STAM: variants seen among roughly 807,000 people sequenced by gnomAD.
The protein encoded by STAM is signal transducing adaptor molecule, also known as signal transducing adapter molecule 1.
Under a neutral mutation model 63.4 loss-of-function variants are expected in STAM, and 16 were observed. That is an observed-to-expected ratio of 0.25 (90% CI 0.17 to 0.38). The LOEUF is 0.38. STAM is among the 10% of genes least tolerant of loss of function. The probability of loss-of-function intolerance (pLI) is 1.00; values close to 1 mark genes in which losing one functional copy is unlikely to be tolerated. For missense variants in STAM, 636 were observed against 657.1 expected, an observed-to-expected ratio of 0.97 and a Z score of 0.35; for synonymous variants, 238 against 223.9, an observed-to-expected ratio of 1.06 and a Z score of -0.56.
At chr10:17,644,522 T>C (rs1469835338) in intron 1 of STAM, 143 bp downstream of exon 1, 21 of 991,742 alleles carry the variant, frequency 2.1e-5, no homozygotes, top group Non-Finnish European at 2.8e-5. Flanking sequence ...CCTTCAGAGC[T>C]GGGAGGAGGT....
At chr10:17,667,370 C>T (rs556470300) in intron 2 of STAM, among the ~76,000 whole-genome samples, 1 of 152,180 alleles carries the variant, frequency 6.6e-6, no homozygotes, top group Non-Finnish European at 1.5e-5. Flanking sequence ...GATCTGCCCT[C>T]CTCAGCCTCC....
At chr10:17,655,407 A>G (rs1554822020) in intron 1 of STAM, among the ~76,000 whole-genome samples, 2 of 152,158 alleles carry the variant, frequency 1.3e-5, no homozygotes, top group African/African-American at 4.8e-5. Context: ...ATTTTAGGGT[A>G]GCTAGGTAGG....
At position 17,670,853 on chromosome 10, in the gene STAM, T is replaced by G. The variant is rs149602063; in HGVS notation, c.125+10305T>G. ...TATTTGTACTCTATATTTTGCTCCT[T>G]TTATATGTTGTGTGGATTATGTTTT... On this transcript the variant is annotated intron_variant, in intron 2 of 13. Coordinates refer to ENST00000377524, the MANE Select transcript of STAM (RefSeq NM_003473.4). Among the ~76,000 whole-genome samples, 89 of 152,190 alleles carry G rather than the reference T, an allele frequency of 5.8e-4. No homozygotes were observed. The East Asian group carries it at 0.017, about 28-fold the overall frequency.
At chr10:17,660,590 T>C in intron 2 of STAM, 42 bp downstream of exon 2, 1 of 1,517,484 alleles carries the variant, frequency 6.6e-7, no homozygotes, top group Admixed American at 2.0e-5. Flanking sequence ...TCTTTCTTTT[T>C]AAAAAACACG....
At chr10:17,687,183 T>C (rs1166147196) in intron 4 of STAM, among the ~76,000 whole-genome samples, 2 of 152,106 alleles carry the variant, frequency 1.3e-5, no homozygotes, top group Admixed American at 6.6e-5. Flanking sequence ...TAAAGAGTTA[T>C]GTTATTTTGG....
chr10:17,680,355 C>T (rs186452247), intron 2 of STAM, among the ~76,000 whole-genome samples: 83 of 152,046 alleles, frequency 5.5e-4, no homozygotes, highest in East Asian at 3.3e-3. Context: ...ACTCCCCATT[C>T]GCTGCTCCCC....
chr10:17,649,156 C>T (rs1379035564), intron 1 of STAM, among the ~76,000 whole-genome samples: 3 of 152,218 alleles, frequency 2.0e-5, no homozygotes, highest in Non-Finnish European at 4.4e-5. Context: ...GTAACCCCTA[C>T]ACTTTGGGAG....
At chr10:17,680,332 C>A (rs575752146) in intron 2 of STAM, among the ~76,000 whole-genome samples, 162 of 152,072 alleles carry the variant, frequency 1.1e-3, no homozygotes, top group African/African-American at 3.4e-3. Flanking sequence ...ACCCATTAAA[C>A]AATTAAACAA....
At chr10:17,673,078 G>A in intron 2 of STAM, 1 of 979,022 alleles carries the variant, frequency 1.0e-6, no homozygotes, top group Non-Finnish European at 1.2e-6. Context: ...CCTTTAAACA[G>A]GTAGGTGATG....
chr10:17,660,208 T>C (rs1341558408), intron 1 of STAM, among the ~76,000 whole-genome samples: 2 of 152,220 alleles, frequency 1.3e-5, no homozygotes, highest in African/African-American at 2.4e-5. Context: ...TATATAATTT[T>C]TTTATAAAGA....
At chr10:17,654,539 AG>A (rs563495584) in intron 1 of STAM, among the ~76,000 whole-genome samples, 75 of 152,300 alleles carry the variant, frequency 4.9e-4, no homozygotes, top group African/African-American at 1.8e-3. Flanking sequence ...GTATTATTTA[AG>A]GTCAATGTGT....
intron 1 of STAM, among the ~76,000 whole-genome samples, chr10:17,650,533 T>C (rs1833694842): frequency 6.6e-6 from 1 of 152,210 alleles, no homozygotes; most frequent in South Asian, 2.1e-4. Flanking sequence ...AATTCTTGAC[T>C]TCTGTAGTTG....
intron 6 of STAM, among the ~76,000 whole-genome samples, chr10:17,693,848 G>C (rs1272854540): frequency 6.6e-6 from 1 of 151,960 alleles, no homozygotes; most frequent in Non-Finnish European, 1.5e-5. Flanking sequence ...CAATATTGTT[G>C]GATCATGGCA....
intron 1 of STAM, among the ~76,000 whole-genome samples, chr10:17,657,046 C>A (rs573733885): frequency 1.3e-5 from 2 of 152,078 alleles, no homozygotes; most frequent in Non-Finnish European, 2.9e-5. Flanking sequence ...GCATGCCCAT[C>A]GGAGGCTTTT....
intron 13 of STAM, among the ~76,000 whole-genome samples, chr10:17,713,492 T>C (rs1275315071): frequency 6.6e-6 from 1 of 152,284 alleles, no homozygotes; most frequent in East Asian, 1.9e-4. Flanking sequence ...ATTATTACTT[T>C]GATCTTCCCC....
chr10:17,681,167 C>A (rs1244597816), intron 2 of STAM, among the ~76,000 whole-genome samples: 1 of 148,236 alleles, frequency 6.7e-6, no homozygotes, highest in African/African-American at 2.5e-5. Context: ...AGTAGCCATC[C>A]TGATGGGTGT....
In STAM at chr10:17,670,379, G is replaced by C. The variant is rs183228068; in HGVS notation, c.125+9831G>C. ...GTGACTTGTCTAAAACGAGTGAGCA[G>C]AGGCAAAATTAGAAGTCAGATTTCT... On this transcript the variant is annotated intron_variant, in intron 2 of 13. Coordinates refer to ENST00000377524, the MANE Select transcript of STAM (RefSeq NM_003473.4). Among the ~76,000 whole-genome samples, 8 of 152,314 alleles carry C rather than the reference G, an allele frequency of 5.3e-5. No homozygotes were observed. In the East Asian group the frequency reaches 1.5e-3, roughly 29 times the overall value.
chr10:17,707,413 AAATAAT>A (rs782193967), intron 12 of STAM, among the ~76,000 whole-genome samples: 8 of 151,500 alleles, frequency 5.3e-5, no homozygotes, highest in East Asian at 1.9e-4. Flanking sequence ...CCACCTCAAA[AAATAAT>A]AATAATAATA....
At chr10:17,711,928 T>C (rs1836573579) in intron 13 of STAM, among the ~76,000 whole-genome samples, 1 of 152,176 alleles carries the variant, frequency 6.6e-6, no homozygotes, top group East Asian at 1.9e-4. Context: ...TTATGAGTAT[T>C]TGTTGGCAAG....
Sources: gnomAD v4.1 joint callset for allele counts (sites outside exome capture counted in the v4.1 genomes callset) on GRCh38, gnomAD v4.1.1 for gene constraint, MANE v1.5 for transcripts, NCBI Gene and HGNC (gene_info 2026-07-23, HGNC 2026-07-21) for gene names.